ATP8A1: variants seen among roughly 807,000 people sequenced by gnomAD.
ATP8A1 encodes phospholipid-transporting ATPase IA.
A neutral mutation model predicts 177.7 loss-of-function variants in ATP8A1; 90 were observed. The observed-to-expected ratio is 0.51, with a 90% CI of 0.43 to 0.60. The LOEUF (loss-of-function observed/expected upper bound fraction) is 0.60. Ranked by LOEUF, ATP8A1 falls within the 20% of genes least tolerant of loss-of-function variation. The pLI, the probability that ATP8A1 is intolerant of heterozygous loss-of-function variation, is 0.00. For synonymous variants in ATP8A1, 493 were observed against 485.9 expected (o/e 1.01, Z -0.19); for missense variants, 1,072 against 1,392.8 (o/e 0.77, Z 3.67).
At chr4:42,475,728 A>C (rs904342269) in intron 25 of ATP8A1, among the ~76,000 whole-genome samples, 5 of 152,108 alleles carry the variant, frequency 3.3e-5, no homozygotes, top group Non-Finnish European at 7.4e-5. Flanking sequence ...AACAATTTCT[A>C]TCTCTATTTT....
Position 42,414,609 on chromosome 4 carries a change from A to G in ATP8A1, c.3397+18T>C, listed in dbSNP as rs1713011283. ...ATGGCAGAGAATTTATTTAAAAATA[A>G]GAAACTCAAATACTCACGGAGCAGA... is the stretch of plus-strand genomic sequence containing the variant. On this transcript the variant is annotated intron_variant, in intron 36 of 36. Transcript: ENST00000381668. 1 of 1,599,836 alleles carries G rather than the reference A, an allele frequency of 6.3e-7. No homozygotes were observed. Among genetic ancestry groups the G allele is most frequent in the Non-Finnish European group, 8.6e-7 (1 of 1,167,098 alleles).
intron 1 of ATP8A1, among the ~76,000 whole-genome samples, chr4:42,628,332 T>A (rs1049343019): frequency 1.3e-5 from 2 of 152,140 alleles, no homozygotes; most frequent in Non-Finnish European, 2.9e-5. Flanking sequence ...GTGAGAAGCA[T>A]GAGCACAGGG....
chr4:42,641,001 C>T (rs1234811526), intron 1 of ATP8A1, among the ~76,000 whole-genome samples: 2 of 129,948 alleles, frequency 1.5e-5, no homozygotes, highest in Non-Finnish European at 3.3e-5. Flanking sequence ...AGAGACTTCC[C>T]CCTCACCAGA....
At chr4:42,557,744 T>A (rs1184876846) in intron 15 of ATP8A1, among the ~76,000 whole-genome samples, 3 of 152,012 alleles carry the variant, frequency 2.0e-5, no homozygotes, top group Admixed American at 2.0e-4. Context: ...CAAGATAATT[T>A]AAAAAACCCC....
chr4:42,419,155 A>G (rs545508819), intron 35 of ATP8A1, among the ~76,000 whole-genome samples: 2 of 152,216 alleles, frequency 1.3e-5, no homozygotes, highest in Non-Finnish European at 2.9e-5. Context: ...CAGGTCAACC[A>G]TCAATTCAAC....
At chr4:42,619,217 G>A (rs1174512759) in intron 4 of ATP8A1, among the ~76,000 whole-genome samples, 1 of 151,878 alleles carries the variant, frequency 6.6e-6, no homozygotes, top group Non-Finnish European at 1.5e-5. Context: ...GCTCCATCAC[G>A]GCTAGTTTTA....
chr4:42,449,306 C>CAAGTTTTAATAAAAGCAT (rs1239014392), intron 30 of ATP8A1, among the ~76,000 whole-genome samples: 6 of 152,142 alleles, frequency 3.9e-5, no homozygotes, highest in African/African-American at 1.4e-4. Context: ...TAAGATGGTT[C>CAAGTTTTAATAAAAGCAT]AAGTTTTAAT....
intron 18 of ATP8A1, among the ~76,000 whole-genome samples, chr4:42,550,024 A>T (rs1242932865): frequency 6.6e-6 from 1 of 152,056 alleles, no homozygotes; most frequent in Non-Finnish European, 1.5e-5. Flanking sequence ...TAGCACCCCA[A>T]TCAAGATATA....
chr4:42,420,983 T>C (rs1713848505), intron 35 of ATP8A1, among the ~76,000 whole-genome samples: 1 of 152,054 alleles, frequency 6.6e-6, no homozygotes. Context: ...TTAGCCAGGA[T>C]GGTCTCGATC....
intron 33 of ATP8A1, among the ~76,000 whole-genome samples, chr4:42,442,888 T>C (rs1484725464): frequency 6.6e-6 from 1 of 152,196 alleles, no homozygotes; most frequent in African/African-American, 2.4e-5. Context: ...TTTACTTTTA[T>C]ACATTTTATG....
chr4:42,525,730 T>G (rs1425757098), intron 20 of ATP8A1, among the ~76,000 whole-genome samples: 1 of 152,162 alleles, frequency 6.6e-6, no homozygotes, highest in South Asian at 2.1e-4. Flanking sequence ...CAGGAAAAAA[T>G]AAATCACTTA....
chr4:42,593,413 C>T (rs1348651019), intron 6 of ATP8A1, among the ~76,000 whole-genome samples: 2 of 151,942 alleles, frequency 1.3e-5, no homozygotes, highest in African/African-American at 2.4e-5. Context: ...AATATAACTA[C>T]CTGCAGTTAC....
intron 24 of ATP8A1, among the ~76,000 whole-genome samples, chr4:42,498,566 C>G (rs1723507998): frequency 6.6e-6 from 1 of 152,128 alleles, no homozygotes; most frequent in African/African-American, 2.4e-5. Context: ...ATCAAACCTA[C>G]AGCTGGTTTG....
chr4:42,436,672 A>C (rs1716037170), intron 33 of ATP8A1, among the ~76,000 whole-genome samples: 1 of 152,166 alleles, frequency 6.6e-6, no homozygotes, highest in Non-Finnish European at 1.5e-5. Flanking sequence ...ATCTGACAGA[A>C]TTTTGCATAG....
chr4:42,453,213 A>G (rs1477531641), intron 29 of ATP8A1, among the ~76,000 whole-genome samples: 1 of 152,184 alleles, frequency 6.6e-6, no homozygotes, highest in Non-Finnish European at 1.5e-5. Flanking sequence ...TTTTACCATA[A>G]CAAACATAAG....
At chr4:42,555,429 C>T (rs1469354778) in intron 16 of ATP8A1, among the ~76,000 whole-genome samples, 2 of 151,842 alleles carry the variant, frequency 1.3e-5, no homozygotes, top group African/African-American at 2.4e-5. Flanking sequence ...TTTGAAAAGA[C>T]AGAATATTGA....
chr4:42,530,445 T>A (rs978714246), intron 20 of ATP8A1, among the ~76,000 whole-genome samples: 1 of 152,220 alleles, frequency 6.6e-6, no homozygotes, highest in Non-Finnish European at 1.5e-5. Flanking sequence ...AAGACTACCA[T>A]CTGTGGACTC....
In ATP8A1 at chr4:42,574,710, A is replaced by T; in HGVS notation, c.1207-3T>A. 2 of 1,581,990 alleles carry T rather than the reference A, an allele frequency of 1.3e-6. No individual in the cohort carries two copies. Among genetic ancestry groups the T allele is most frequent in the Non-Finnish European group, 1.7e-6 (2 of 1,164,648 alleles). On this transcript the variant is annotated splice_polypyrimidine_tract_variant and splice_region_variant and intron_variant, in intron 13 of 36. Transcript: ENST00000381668. ...TTGTCAGAAAATATGTATTTAACCT[A>T]AAAAAGTTTAAAATTTCTCATTAAT...
At position 42,543,900 on chromosome 4, in the gene ATP8A1, T is replaced by G; in HGVS notation, c.1722+17A>C. The stretch of plus-strand genomic sequence containing the variant: ...CATCATAAATTATAACTGTAAAAAA[T>G]AAAAATAAAAACTTACAGCTCCTTT... On this transcript the variant is annotated intron_variant, in intron 20 of 36. Coordinates refer to ENST00000381668, the MANE Select transcript of ATP8A1 (RefSeq NM_006095.2). The G allele has an allele frequency of 1.3e-6, 2 of 1,577,618 alleles. No individual in the cohort carries two copies. The highest frequency in any genetic ancestry group is 8.7e-7 in the Non-Finnish European group (1 of 1,155,748).
Sources: gnomAD v4.1 joint callset for allele counts (sites outside exome capture counted in the v4.1 genomes callset) on GRCh38, gnomAD v4.1.1 for gene constraint, MANE v1.5 for transcripts, NCBI Gene and HGNC (gene_info 2026-07-23, HGNC 2026-07-21) for gene names.